The following FAM107A variants were observed in gnomAD, a reference collection of about 807,000 sequenced individuals.
FAM107A encodes the protein family with sequence similarity 107 member A, also known as actin-associated protein FAM107A.
Under a neutral mutation model 13.7 loss-of-function variants are expected in FAM107A, and 19 were observed. The observed-to-expected ratio is 1.38, with a 90% CI of 0.97 to 2.03. The LOEUF (loss-of-function observed/expected upper bound fraction) is 2.03. Ranked by LOEUF, FAM107A falls within the 30% of genes most tolerant of loss-of-function variation. The pLI, the probability that FAM107A is intolerant of heterozygous loss-of-function variation, is 0.00. For missense variants in FAM107A, 203 were observed against 184.4 expected, an observed-to-expected ratio of 1.10 and a Z score of -0.58; for synonymous variants, 82 against 74.5, an observed-to-expected ratio of 1.10 and a Z score of -0.52.
At chr3:58,620,053 G>T (rs910087797) in intron 1 of FAM107A, among the ~76,000 whole-genome samples, 1 of 152,176 alleles carries the variant, frequency 6.6e-6, no homozygotes, top group Non-Finnish European at 1.5e-5. Flanking sequence ...TAGCTTTTGG[G>T]AAATCAGCCT....
chr3:58,588,178 C>G (rs749372192), upstream of FAM107A, among the ~76,000 whole-genome samples: 3 of 152,204 alleles, frequency 2.0e-5, no homozygotes, highest in Admixed American at 2.0e-4. Context: ...GCCCACAAAA[C>G]TTAAGCCCCT....
chr3:58,596,828 A>G (rs969810141), intron 1 of FAM107A, among the ~76,000 whole-genome samples: 37 of 152,340 alleles, frequency 2.4e-4, no homozygotes, highest in Non-Finnish European at 4.3e-4. Context: ...GACAAAATAT[A>G]TATCAAGACT....
At chr3:58,585,393 G>C (rs2065594504) in intron 1 of FAM107A, among the ~76,000 whole-genome samples, 1 of 152,256 alleles carries the variant, frequency 6.6e-6, no homozygotes. Flanking sequence ...CCCTCCTTTA[G>C]GAAGGCGCCG....
upstream of FAM107A, among the ~76,000 whole-genome samples, chr3:58,588,223 T>C (rs986497094): frequency 6.6e-6 from 1 of 152,240 alleles, no homozygotes; most frequent in Non-Finnish European, 1.5e-5. Context: ...TCCAGGGTAC[T>C]GGATGGCCTC....
At chr3:58,586,837 G>A in intron 1 of FAM107A, 17 of 1,521,928 alleles carry the variant, frequency 1.1e-5, no homozygotes, top group Non-Finnish European at 1.4e-5. Context: ...CCGCGGCGAG[G>A]GTGGCGTTGC....
chr3:58,616,091 G>A (rs182192987), intron 1 of FAM107A, among the ~76,000 whole-genome samples: 1 of 152,034 alleles, frequency 6.6e-6, no homozygotes, highest in Non-Finnish European at 1.5e-5. Context: ...CCCAGAGCAC[G>A]ATCAGCCAGG....
intron 1 of FAM107A, among the ~76,000 whole-genome samples, chr3:58,586,355 G>A (rs902119851): frequency 1.3e-5 from 2 of 152,118 alleles, no homozygotes; most frequent in African/African-American, 4.8e-5. Flanking sequence ...AGCAATGTAT[G>A]TCATAGATCC....
At chr3:58,590,043 A>G (rs2065643316), upstream of FAM107A, among the ~76,000 whole-genome samples, 1 of 152,198 alleles carries the variant, frequency 6.6e-6, no homozygotes, top group African/African-American at 2.4e-5. Context: ...ACACTCTCAG[A>G]GCTTTAAAGA....
intron 1 of FAM107A, chr3:58,627,223 C>T: frequency 1.8e-6 from 1 of 555,168 alleles, no homozygotes; most frequent in Non-Finnish European, 3.2e-6. Flanking sequence ...GCCAGTGTCC[C>T]CAGGCGGCTT....
intron 1 of FAM107A, among the ~76,000 whole-genome samples, chr3:58,609,657 T>A (rs1408378429): frequency 6.6e-6 from 1 of 152,168 alleles, no homozygotes; most frequent in Non-Finnish European, 1.5e-5. Flanking sequence ...CCGCTTTTTG[T>A]TTTTCAAGAC....
At chr3:58,599,756 C>A (rs150427548) in intron 1 of FAM107A, among the ~76,000 whole-genome samples, 1 of 121,372 alleles carries the variant, frequency 8.2e-6, no homozygotes, top group Non-Finnish European at 1.6e-5. Flanking sequence ...CCCGCTCTGT[C>A]ACCTAGGCTG....
Position 58,567,188 on chromosome 3 carries a change from G to C in FAM107A, c.327+20C>G, listed in dbSNP as rs1246839618. The C allele has an allele frequency of 9.9e-6, 16 of 1,613,916 alleles. No individual in the cohort carries two copies. Among genetic ancestry groups the C allele is most frequent in the Non-Finnish European group, 1.4e-5 (16 of 1,179,948 alleles). On this transcript the variant is annotated intron_variant, in intron 3 of 3. Transcript: ENST00000360997. Reference sequence around the variant, plus strand: ...CAGCCCTGGAGGATGCGTGGTCCCTGCTGGGTGCCCATCACCCACCTGGTT... The same window carrying C: ...CAGCCCTGGAGGATGCGTGGTCCCTCCTGGGTGCCCATCACCCACCTGGTT...
At chr3:58,584,141 C>G (rs867785416) in intron 1 of FAM107A, among the ~76,000 whole-genome samples, 14 of 152,266 alleles carry the variant, frequency 9.2e-5, no homozygotes, top group Middle Eastern at 3.4e-3. Flanking sequence ...CAGAGGCACA[C>G]GGTCCTGGTT....
At chr3:58,625,456 G>A (rs2066004661) in intron 1 of FAM107A, among the ~76,000 whole-genome samples, 1 of 152,174 alleles carries the variant, frequency 6.6e-6, no homozygotes, top group Non-Finnish European at 1.5e-5. Context: ...TGCACAGTGA[G>A]GGTTTTCGTG....
intron 1 of FAM107A, among the ~76,000 whole-genome samples, chr3:58,593,673 T>C (rs2065673774): frequency 6.6e-6 from 1 of 151,860 alleles, no homozygotes; most frequent in Admixed American, 6.6e-5. Context: ...ATACTATCAA[T>C]CTCACTCACT....
In FAM107A at chr3:58,599,696, A is replaced by ATTTTTTTTTTT. The variant is rs57244654; in HGVS notation, c.-69-10438_-69-10428dup. On this transcript the variant is annotated intron_variant, in intron 1 of 3. Transcript: ENST00000465970. ...GTGGTATACTTAAAACAAGTGCACC[A>ATTTTTTTTTTT]TTTTTTTTTTTTTTTTTTTTTTTTT... Among the ~76,000 whole-genome samples the ATTTTTTTTTTT allele has an allele frequency of 3.5e-3, 276 of 78,544 alleles. 62 individuals are homozygous for ATTTTTTTTTTT. The highest frequency in any genetic ancestry group is 5.9e-3 in the Non-Finnish European group (219 of 37,386). 51.5% of individuals were successfully genotyped at this position (78,544 alleles called of 152,430 possible).
chr3:58,567,161 G>C (rs1289960116), intron 3 of FAM107A, 47 bp downstream of exon 3: 1 of 1,610,366 alleles, frequency 6.2e-7, no homozygotes, highest in South Asian at 1.1e-5. Context: ...CTCCCTGGAG[G>C]ACAGCCCTGG....
rs73838048 is a variant in FAM107A, at chr3:58,568,733, C to A, written c.170+958G>T. Among the ~76,000 whole-genome samples, 675 of 152,252 alleles carry A rather than the reference C, an allele frequency of 4.4e-3. 4 individuals carry two copies. The highest frequency in any genetic ancestry group is 0.016 in the African/African-American group (644 of 41,536). ...TGAAAACAAGAATAGAAATCACAACCGGCTCTAATACCAGAATCGGCCAGC... is the reference window on the plus strand; with the variant it reads ...TGAAAACAAGAATAGAAATCACAACAGGCTCTAATACCAGAATCGGCCAGC... On this transcript the variant is annotated intron_variant, in intron 2 of 3. Transcript: ENST00000360997.
chr3:58,601,775 A>T (rs2065753904), intron 1 of FAM107A, among the ~76,000 whole-genome samples: 1 of 152,238 alleles, frequency 6.6e-6, no homozygotes, highest in Non-Finnish European at 1.5e-5. Flanking sequence ...GAATATTCTG[A>T]CAAGTTCTTC....
Sources: allele counts gnomAD v4.1 joint callset (sites outside exome capture counted in the v4.1 genomes callset), GRCh38; gene constraint gnomAD v4.1.1; transcripts MANE v1.5; gene names NCBI Gene and HGNC (gene_info 2026-07-23, HGNC 2026-07-21).